OLR1: variants seen among roughly 807,000 people sequenced by gnomAD.
The protein encoded by OLR1 is oxidized low density lipoprotein receptor 1.
In OLR1, 23 loss-of-function variants were observed where a neutral mutation model predicts 31.7. The ratio of observed to expected loss-of-function variants is 0.72; its 90% CI spans 0.52 to 1.03. The LOEUF (loss-of-function observed/expected upper bound fraction) is 1.03, where lower values mean the gene tolerates loss of function less well. Among genes scored for constraint, OLR1 ranks in the 50% least tolerant of loss-of-function variants. OLR1 has a pLI of 0.00. For synonymous variants in OLR1, 117 were observed against 115.8 expected, an observed-to-expected ratio of 1.01 and a Z score of -0.07; for missense variants, 286 against 315.7, an observed-to-expected ratio of 0.91 and a Z score of 0.71.
chr12:10,165,845 A>T (rs1170804820), intron 3 of OLR1, among the ~76,000 whole-genome samples: 2 of 152,174 alleles, frequency 1.3e-5, no homozygotes, highest in Non-Finnish European at 2.9e-5. Context: ...ACTTAAATCC[A>T]CCAAAAGGTA....
chr12:10,169,130 G>A lies in OLR1; in HGVS notation c.122C>T (p.Thr41Ile). 6.2e-7 allele frequency: 1 copy of A among 1,614,020 alleles called. No homozygotes were observed. The highest frequency in any genetic ancestry group is 8.5e-7 in the Non-Finnish European group (1 of 1,179,978). The part of the protein sequence containing the change: ...YSPWWCLAAA[T>I]LGVLCLGLVV... The stretch of plus-strand genomic sequence containing the variant: ...TAATCCCAGGCAAAGGACCCCTAGA[G>A]TCGCAGCAGCCAGGCACCACCATGG... The change falls in exon 2 of 6, where the codon ACT (threonine) becomes ATT (isoleucine). Residue 41 changes from threonine to isoleucine, a missense_variant. By Grantham distance (89) the Thr-to-Ile change is moderately conservative. Transcript: ENST00000309539.
chr12:10,168,176 G>T (rs142699451), intron 2 of OLR1, among the ~76,000 whole-genome samples: 1 of 151,968 alleles, frequency 6.6e-6, no homozygotes, highest in African/African-American at 2.4e-5. Context: ...GTGAACGTTG[G>T]GCACCATTTT....
upstream of OLR1, among the ~76,000 whole-genome samples, chr12:10,175,765 G>T (rs748914001): frequency 1.3e-5 from 2 of 152,124 alleles, no homozygotes; most frequent in Non-Finnish European, 2.9e-5. Context: ...TTGAAATCAG[G>T]GCTGTGGCCC....
intron 1 of OLR1, chr12:10,170,434 A>AACTCTG (rs1050905706): frequency 6.6e-6 from 1 of 151,730 alleles, no homozygotes; most frequent in African/African-American, 2.4e-5. Flanking sequence ...TAAATCTTTC[A>AACTCTG]ACTCTGTGGT....
chr12:10,162,399 C>A (rs1422499026), intron 3 of OLR1, among the ~76,000 whole-genome samples: 1 of 152,072 alleles, frequency 6.6e-6, no homozygotes, highest in Non-Finnish European at 1.5e-5. Flanking sequence ...TGAGAAAGAG[C>A]ATACAAAACA....
At chr12:10,162,571 T>C (rs1445275752) in intron 3 of OLR1, among the ~76,000 whole-genome samples, 1 of 152,224 alleles carries the variant, frequency 6.6e-6, no homozygotes, top group Non-Finnish European at 1.5e-5. Context: ...CTCATGCCTA[T>C]AATCCCACCA....
At chr12:10,163,742 C>T (rs1276848762) in intron 3 of OLR1, among the ~76,000 whole-genome samples, 3 of 152,058 alleles carry the variant, frequency 2.0e-5, no homozygotes, top group Non-Finnish European at 4.4e-5. Flanking sequence ...ACCAGCCTGA[C>T]CAACATGGTG....
upstream of OLR1, among the ~76,000 whole-genome samples, chr12:10,176,169 C>T (rs1303146374): frequency 6.6e-6 from 1 of 152,218 alleles, no homozygotes; most frequent in Non-Finnish European, 1.5e-5. Context: ...GTCTTCTTGT[C>T]TGAATTATCT....
chr12:10,164,403 G>A (rs1948644452), intron 3 of OLR1, among the ~76,000 whole-genome samples: 1 of 152,112 alleles, frequency 6.6e-6, no homozygotes, highest in South Asian at 2.1e-4. Context: ...ATAGTGAAGG[G>A]ATTTACAAAC....
chr12:10,167,045 T>C (rs1948669155), intron 2 of OLR1, 88 bp from the exon 3 acceptor site: 1 of 1,329,854 alleles, frequency 7.5e-7, no homozygotes, highest in Non-Finnish European at 1.0e-6. Context: ...CAGAATTAAA[T>C]CTATTTTGAC....
chr12:10,167,101 C>T (rs1418665143), intron 2 of OLR1, 144 bp from the exon 3 acceptor site: 3 of 737,786 alleles, frequency 4.1e-6, no homozygotes, highest in East Asian at 5.3e-5. Context: ...TCAGAAGTTA[C>T]AGATTTGGAG....
chr12:10,170,823 AAG>A (rs1377589286), intron 1 of OLR1: 1 of 152,118 alleles, frequency 6.6e-6, no homozygotes, highest in Non-Finnish European at 1.5e-5. Flanking sequence ...TTAGAGGAAA[AAG>A]AAAATCACAG....
Position 10,166,659 on chromosome 12 carries a change from T to C in OLR1, c.424+53A>G, listed in dbSNP as rs542519158. 9.3e-6 allele frequency: 15 copies of C among 1,605,176 alleles called. No homozygotes were observed. The African/African-American group carries it at 1.3e-4, about 14-fold the overall frequency. On this transcript the variant is annotated intron_variant, in intron 3 of 5. Transcript: ENST00000309539. Reference sequence around the variant, plus strand: ...CAGAATTGTTTCCAAAAAATAGTTATGATTGGACAGAAAGCTTCCACTATG... The same window carrying C: ...CAGAATTGTTTCCAAAAAATAGTTACGATTGGACAGAAAGCTTCCACTATG...
At chr12:10,170,833 C>G (rs1475703727) in intron 1 of OLR1, 2 of 152,150 alleles carry the variant, frequency 1.3e-5, no homozygotes, top group African/African-American at 4.8e-5. Flanking sequence ...AAGAAAATCA[C>G]AGGACCCTGT....
chr12:10,168,262 T>C (rs1421658094), intron 2 of OLR1, among the ~76,000 whole-genome samples: 1 of 152,194 alleles, frequency 6.6e-6, no homozygotes, highest in Non-Finnish European at 1.5e-5. Context: ...CTAAATGCTC[T>C]TATTATAAAT....
chr12:10,163,122 A>T (rs1948633814), intron 3 of OLR1, among the ~76,000 whole-genome samples: 5 of 152,208 alleles, frequency 3.3e-5, no homozygotes, highest in Admixed American at 3.3e-4. Flanking sequence ...AGTACTGTAC[A>T]GGTATTAACT....
intron 3 of OLR1, among the ~76,000 whole-genome samples, chr12:10,164,870 T>C (rs912717863): frequency 6.6e-6 from 1 of 152,188 alleles, no homozygotes; most frequent in Admixed American, 6.5e-5. Flanking sequence ...ATTAACTCAT[T>C]TCTTCTTATA....
chr12:10,166,812 G>A lies in OLR1; in HGVS notation c.324C>T (p.Thr108=). The change falls in exon 3 of 6, where the codon ACC becomes ACT. Residue 108 remains threonine, a synonymous_variant. Transcript: ENST00000309539. ...ATTTCTCATTCAGCTTCCGAGCAAG[G>A]GTTTCTATCATTTCCTTGAGTTCGT... ...SENELKEMIE[T]LARKLNEKSK... 1.2e-6 allele frequency: 2 copies of A among 1,613,746 alleles called. No individual in the cohort carries two copies. Among genetic ancestry groups the A allele is most frequent in the Non-Finnish European group, 1.7e-6 (2 of 1,179,982 alleles).
At chr12:10,163,654 C>T (rs572485259) in intron 3 of OLR1, among the ~76,000 whole-genome samples, 18 of 151,798 alleles carry the variant, frequency 1.2e-4, no homozygotes, top group East Asian at 3.9e-4. Context: ...TTTGGTGGGC[C>T]GGGCCTGGTG....
Sources: allele counts gnomAD v4.1 joint callset (sites outside exome capture counted in the v4.1 genomes callset), GRCh38; gene constraint gnomAD v4.1.1; transcripts MANE v1.5; gene names NCBI Gene and HGNC (gene_info 2026-07-23, HGNC 2026-07-21).